Variants in SACM1L observed in about 807,000 individuals in gnomAD.
The protein encoded by SACM1L is SAC1 like phosphatidylinositide phosphatase, also known as phosphatidylinositol-3-phosphatase SAC1.
In SACM1L, 32 loss-of-function variants were observed where a neutral mutation model predicts 89.5. That is an observed-to-expected ratio of 0.36 (90% CI 0.27 to 0.48). The LOEUF (loss-of-function observed/expected upper bound fraction) is 0.48. SACM1L is among the 20% of genes least tolerant of loss of function. The probability of loss-of-function intolerance (pLI) is 0.99; values close to 1 mark genes in which losing one functional copy is unlikely to be tolerated. For synonymous variants in SACM1L, 213 were observed against 232.8 expected (o/e 0.92, Z 0.77); for missense variants, 543 against 708.5 (o/e 0.77, Z 2.65).
intron 1 of SACM1L, 181 bp downstream of exon 1, chr3:45,689,678 G>A: frequency 4.2e-6 from 3 of 707,136 alleles, no homozygotes; most frequent in Non-Finnish European, 7.0e-6. Flanking sequence ...CATAGGCCGG[G>A]AACCAGCGGC....
chr3:45,719,637 T>G, intron 8 of SACM1L, 36 bp downstream of exon 8: 1 of 1,223,872 alleles, frequency 8.2e-7, no homozygotes, highest in Non-Finnish European at 1.2e-6. Flanking sequence ...TATCTGTAAT[T>G]AATATTTTGT....
intron 7 of SACM1L, among the ~76,000 whole-genome samples, chr3:45,719,188 T>G (rs1161190521): frequency 4.6e-5 from 7 of 152,182 alleles, no homozygotes; most frequent in Non-Finnish European, 1.0e-4. Flanking sequence ...CAGAGTAGAT[T>G]TTTCAGTGAT....
intron 1 of SACM1L, 85 bp from the exon 2 acceptor site, chr3:45,703,353 A>G: frequency 1.1e-6 from 1 of 906,998 alleles, no homozygotes; most frequent in South Asian, 1.4e-5. Context: ...TGTCAAATTT[A>G]TACTCTGTAA....
At chr3:45,728,483 G>C (rs1276255339) in intron 11 of SACM1L, among the ~76,000 whole-genome samples, 1 of 151,960 alleles carries the variant, frequency 6.6e-6, no homozygotes, top group Non-Finnish European at 1.5e-5. Context: ...TTACCATGAG[G>C]ATTACATATA....
chr3:45,720,864 T>C (rs1046519549), intron 8 of SACM1L, among the ~76,000 whole-genome samples: 7 of 152,216 alleles, frequency 4.6e-5, no homozygotes, highest in Admixed American at 3.3e-4. Flanking sequence ...GCAAATGTTA[T>C]ATGTAAGAAA....
Position 45,704,094 on chromosome 3 carries a change from T to A in SACM1L, c.130+559T>A, listed in dbSNP as rs913045846. On this transcript the variant is annotated intron_variant, in intron 2 of 19. Transcript: ENST00000389061. Reference sequence around the variant, plus strand: ...CTTTTCTGGGATGTGAAAAACAAACTTTTTTTTCACTTGTGTGGAACACCC... The same window carrying A: ...CTTTTCTGGGATGTGAAAAACAAACATTTTTTTCACTTGTGTGGAACACCC... Among the ~76,000 whole-genome samples, 5 of 152,078 alleles carry A rather than the reference T, an allele frequency of 3.3e-5. No homozygotes were observed. The South Asian group carries it at 6.2e-4, about 19-fold the overall frequency.
At chr3:45,724,938 A>G (rs1253040210) in intron 11 of SACM1L, among the ~76,000 whole-genome samples, 2 of 152,178 alleles carry the variant, frequency 1.3e-5, no homozygotes, top group Non-Finnish European at 2.9e-5. Flanking sequence ...CCATTTATAA[A>G]AAGACTGTTC....
In SACM1L at chr3:45,696,650, G is replaced by GT. The variant is rs1043978698; in HGVS notation, c.33-6778dup. ...ACTCGTTATTTTCTATCCTGGGTTT[G>GT]TTTTTTTTTTCCTTCTAGATAATAG... On this transcript the variant is annotated intron_variant, in intron 1 of 19. Transcript: ENST00000389061. Among the ~76,000 whole-genome samples the GT allele has an allele frequency of 3.8e-3, 565 of 147,808 alleles. 4 individuals carry two copies. Among genetic ancestry groups the GT allele is most frequent in the African/African-American group, 0.011 (463 of 40,384 alleles).
intron 11 of SACM1L, among the ~76,000 whole-genome samples, chr3:45,728,172 G>T (rs1011276281): frequency 6.6e-6 from 1 of 151,998 alleles, no homozygotes; most frequent in Non-Finnish European, 1.5e-5. Context: ...CAACCTATAT[G>T]TGTCTTTAGG....
At chr3:45,698,255 C>T (rs993327477) in intron 1 of SACM1L, among the ~76,000 whole-genome samples, 4 of 152,104 alleles carry the variant, frequency 2.6e-5, no homozygotes, top group African/African-American at 7.2e-5. Flanking sequence ...ATGTAGGTGC[C>T]GTGAGTTAGG....
rs1340855340 is a variant in SACM1L, at chr3:45,745,019, T to A, written c.*1350T>A. ...TTTTATAAAACATTAATATAAGTCG[T>A]TACTTTTAGAAACTAAAGGAAATAA... On this transcript the variant is annotated 3_prime_UTR_variant, in exon 20 of 20. Coordinates refer to ENST00000389061, the MANE Select transcript of SACM1L (RefSeq NM_014016.5). 1 of 152,220 alleles carries A rather than the reference T, an allele frequency of 6.6e-6. No individual in the cohort carries two copies. The highest frequency in any genetic ancestry group is 1.5e-5 in the Non-Finnish European group (1 of 68,046). 9.4% of individuals were successfully genotyped at this position (152,220 alleles called of 1,614,324 possible).
intron 10 of SACM1L, 64 bp from the exon 11 acceptor site, chr3:45,723,411 T>C: frequency 4.8e-6 from 3 of 619,596 alleles, no homozygotes; most frequent in Admixed American, 8.1e-5. Context: ...ATTATAAATA[T>C]TTAAATTATA....
chr3:45,716,800 A>G (rs530849826), intron 7 of SACM1L, among the ~76,000 whole-genome samples: 1 of 152,298 alleles, frequency 6.6e-6, no homozygotes, highest in South Asian at 2.1e-4. Context: ...TAACTGATTG[A>G]TGAAAGACTA....
chr3:45,711,200 G>T (rs1698520105), intron 5 of SACM1L, among the ~76,000 whole-genome samples: 1 of 152,186 alleles, frequency 6.6e-6, no homozygotes, highest in Admixed American at 6.5e-5. Context: ...TAACTTTTGA[G>T]CTGAGACTTG....
intron 19 of SACM1L, among the ~76,000 whole-genome samples, chr3:45,742,083 C>T (rs967926092): frequency 6.6e-6 from 1 of 152,164 alleles, no homozygotes; most frequent in Non-Finnish European, 1.5e-5. Context: ...ACTTAAAGAA[C>T]CTCTGGAGAG....
At chr3:45,737,335 G>T (rs1198455716) in intron 14 of SACM1L, 3 of 524,832 alleles carry the variant, frequency 5.7e-6, no homozygotes, top group Non-Finnish European at 1.0e-5. Context: ...CCTGAGTATA[G>T]TCCTGCTGCT....
chr3:45,728,190 T>C (rs1349008801), intron 11 of SACM1L, among the ~76,000 whole-genome samples: 1 of 152,216 alleles, frequency 6.6e-6, no homozygotes, highest in South Asian at 2.1e-4. Flanking sequence ...AGGTCTAACA[T>C]GAATCTCTTA....
At chr3:45,718,712 A>T in intron 7 of SACM1L, among the ~76,000 whole-genome samples, 1 of 152,332 alleles carries the variant, frequency 6.6e-6, no homozygotes, top group Admixed American at 6.5e-5. Flanking sequence ...ATTATATTTC[A>T]TAATAAAAAC....
At chr3:45,719,470 ATATGT>A (rs1236577054) in intron 7 of SACM1L, 25 bp from the exon 8 acceptor site, 20 of 1,225,062 alleles carry the variant, frequency 1.6e-5, no homozygotes, top group Middle Eastern at 2.0e-4. Flanking sequence ...GATTTCTATT[ATATGT>A]TATATTTTTC....
Sources: gnomAD v4.1 joint callset for allele counts (sites outside exome capture counted in the v4.1 genomes callset) on GRCh38, gnomAD v4.1.1 for gene constraint, MANE v1.5 for transcripts, NCBI Gene and HGNC (gene_info 2026-07-23, HGNC 2026-07-21) for gene names.